ARHGEF40: variants seen among roughly 807,000 people sequenced by gnomAD.
ARHGEF40 encodes Rho guanine nucleotide exchange factor (GEF) 40.
Under a neutral mutation model 165.9 loss-of-function variants are expected in ARHGEF40, and 98 were observed. The ratio of observed to expected loss-of-function variants is 0.59; its 90% CI spans 0.50 to 0.70. ARHGEF40 has a LOEUF of 0.70. Among genes scored for constraint, ARHGEF40 ranks in the 30% least tolerant of loss-of-function variants. The probability of loss-of-function intolerance (pLI) is 0.00; values close to 1 mark genes in which losing one functional copy is unlikely to be tolerated. For synonymous variants in ARHGEF40, 792 were observed against 814.3 expected (o/e 0.97, Z 0.47); for missense variants, 1,815 against 1,968.0 (o/e 0.92, Z 1.47).
chr14:21,070,434 G>T lies in ARHGEF40; in HGVS notation c.3+35G>T. ...GCGTCGCAGCCCCCTGGGTCCCCTC[G>T]GCCTTCGCGCAGCCCGCTCCGGGCC... is the stretch of plus-strand genomic sequence containing the variant. On this transcript the variant is annotated intron_variant, in intron 1 of 23. Coordinates refer to ENST00000298694, the MANE Select transcript of ARHGEF40 (RefSeq NM_018071.5). The surrounding 1 kb of genome is among the most constrained non-coding windows in gnomAD (Gnocchi z 4.7). 7.2e-7 allele frequency: 1 copy of T among 1,392,074 alleles called. No homozygotes were observed. The allele number at this position is 1,392,074 out of a possible 1,614,324, so 86.2% of individuals were successfully genotyped here. A position where few individuals can be genotyped will look rare whatever the true frequency, so the allele number is the denominator to read the frequency against.
chr14:21,077,001 G>A, intron 8 of ARHGEF40, 111 bp downstream of exon 8: 3 of 829,574 alleles, frequency 3.6e-6, no homozygotes, highest in South Asian at 1.6e-5. Context: ...CAAAAAAGTG[G>A]TTTCCATTCC....
chr14:21,070,252 TG>T, upstream of ARHGEF40: 1 of 895,214 alleles, frequency 1.1e-6, no homozygotes, highest in Non-Finnish European at 1.4e-6. The surrounding 1 kb of genome is among the most constrained non-coding windows in gnomAD (Gnocchi z 4.7). Context: ...CCCCGCGGCC[TG>T]GAAGCCGGAG....
chr14:21,075,324 C>G lies in ARHGEF40; in HGVS notation c.1451-8C>G. 1 of 1,613,746 alleles carries G rather than the reference C, an allele frequency of 6.2e-7. No individual in the cohort carries two copies. The highest frequency in any genetic ancestry group is 1.1e-5 in the South Asian group (1 of 91,046). Reference sequence around the variant, plus strand: ...TTCAGTCCCATGTTTCTGTCTGTGTCTGTGCAGGACACACAGGCCCAGAAG... The same window carrying G: ...TTCAGTCCCATGTTTCTGTCTGTGTGTGTGCAGGACACACAGGCCCAGAAG... On this transcript the variant is annotated splice_region_variant and splice_polypyrimidine_tract_variant and intron_variant, in intron 3 of 23. Coordinates refer to ENST00000298694, the MANE Select transcript of ARHGEF40 (RefSeq NM_018071.5). This position sits in a 1 kb window ranked among gnomAD's most constrained non-coding sequence, Gnocchi z 4.5.
At chr14:21,071,697 G>A (rs1293733171) in intron 1 of ARHGEF40, among the ~76,000 whole-genome samples, 2 of 151,748 alleles carry the variant, frequency 1.3e-5, no homozygotes, top group Non-Finnish European at 1.5e-5. Flanking sequence ...CAGCTGCCTC[G>A]CTGCTCAAGC....
rs1169377576 is a variant in ARHGEF40, at chr14:21,087,045, C to A, written c.4183C>A (p.Pro1395Thr). ...GGTGTCCATGGGCATTGGGAATAAA[C>A]CCTTCCTGGACATCAAAGCCCTTGG... is the stretch of plus-strand genomic sequence containing the variant. Reference protein sequence around the residue: ...QMVSMGIGNKPFLDIKALGER... With the variant: ...QMVSMGIGNKTFLDIKALGER... The change falls in exon 20 of 24, where the codon CCC becomes ACC. Residue 1395 changes from proline (P) to threonine (T), a missense_variant. Coordinates refer to ENST00000298694, the MANE Select transcript of ARHGEF40 (RefSeq NM_018071.5). The A allele has an allele frequency of 6.2e-7, 1 of 1,606,940 alleles. No homozygotes were observed. The highest frequency in any genetic ancestry group is 8.5e-7 in the Non-Finnish European group (1 of 1,176,546).
chr14:21,063,975 T>A, the ARHGEF40 span, among the ~76,000 whole-genome samples: 1 of 152,218 alleles, frequency 6.6e-6, no homozygotes, highest in African/African-American at 2.4e-5. Flanking sequence ...AATTCACTGA[T>A]GCCCTACCGC....
In ARHGEF40 at chr14:21,073,967, G is replaced by A; in HGVS notation, c.237G>A (p.Gly79=). 1 of 1,609,388 alleles carries A rather than the reference G, an allele frequency of 6.2e-7. No homozygotes were observed. The highest frequency in any genetic ancestry group is 2.2e-5 in the East Asian group (1 of 44,848). The change falls in exon 3 of 24, where the codon GGG becomes GGA. Residue 79 remains glycine, a synonymous_variant. Transcript: ENST00000298694. The surrounding 1 kb of genome is among the most constrained non-coding windows in gnomAD (Gnocchi z 4.6). ...QYSGFLFFHE[G]WPLCLHEQVV... Reference sequence around the variant, plus strand: ...GTGGATTCCTCTTCTTCCATGAGGGGTGGCCGCTCTGCCTGCATGAACAGG... The same window carrying A: ...GTGGATTCCTCTTCTTCCATGAGGGATGGCCGCTCTGCCTGCATGAACAGG...
the ARHGEF40 span, among the ~76,000 whole-genome samples, chr14:21,061,771 G>T: frequency 6.6e-6 from 1 of 152,204 alleles, no homozygotes. Context: ...TATTAGGCTT[G>T]TCATTCTAAT....
At position 21,088,091 on chromosome 14, in the gene ARHGEF40, C is replaced by G. The variant is rs1460242426; in HGVS notation, c.4511C>G (p.Ser1504Cys). Reference sequence around the variant, plus strand: ...GCCAGTCGAGGGATCTTAGGGCTATCCCGACAGGTAAGTTCCTACAACGAG... The same window carrying G: ...GCCAGTCGAGGGATCTTAGGGCTATGCCGACAGGTAAGTTCCTACAACGAG... ...TLASRGILGL[S>C]RQSHARALSD... Residue 1504 changes from serine (S) to cysteine (C), a missense_variant, in exon 22 of 24, where the codon TCC (serine) becomes TGC (cysteine). Physicochemically the swap from Ser to Cys is moderately radical, Grantham distance 112 (BLOSUM62 -1). Coordinates refer to ENST00000298694, the MANE Select transcript of ARHGEF40 (RefSeq NM_018071.5). The G allele has an allele frequency of 1.9e-6, 3 of 1,610,246 alleles. No individual in the cohort carries two copies. The East Asian group carries it at 6.7e-5, about 36-fold the overall frequency.
chr14:21,067,450 C>A (rs1886328460), upstream of ARHGEF40, among the ~76,000 whole-genome samples: 2 of 152,144 alleles, frequency 1.3e-5, no homozygotes, highest in South Asian at 4.2e-4. Flanking sequence ...AGATGAGACC[C>A]TATAACTTAC....
rs376513658 is a variant in ARHGEF40, at chr14:21,073,212, C to T, written c.171C>T (p.His57=). 2 of 1,613,146 alleles carry T rather than the reference C, an allele frequency of 1.2e-6. No individual in the cohort carries two copies. Among genetic ancestry groups the T allele is most frequent in the South Asian group, 1.1e-5 (1 of 91,000 alleles). ...YTLDFLVPAK[H]LLAKVQQEAC... is the part of the protein sequence containing the mutation. Reference sequence around the variant, plus strand: ...TGGACTTCCTGGTACCAGCCAAGCACCTGCTTGCCAAGGTCCAGCAGGAAG... The same window carrying T: ...TGGACTTCCTGGTACCAGCCAAGCATCTGCTTGCCAAGGTCCAGCAGGAAG... Residue 57 remains histidine (H), a synonymous_variant, in exon 2 of 24, where the codon CAC becomes CAT. Coordinates refer to ENST00000298694, the MANE Select transcript of ARHGEF40 (RefSeq NM_018071.5). The surrounding 1 kb of genome is among the most constrained non-coding windows in gnomAD (Gnocchi z 4.6).
the ARHGEF40 span, among the ~76,000 whole-genome samples, chr14:21,063,443 T>A: frequency 1.3e-5 from 2 of 152,196 alleles, no homozygotes; most frequent in African/African-American, 4.8e-5. Context: ...TGGGGTTATT[T>A]GGAGGCAAGG....
At position 21,082,456 on chromosome 14, in the gene ARHGEF40, T is replaced by C. The variant is rs1168556731; in HGVS notation, c.3464T>C (p.Ile1155Thr). Residue 1155 changes from isoleucine (I) to threonine (T), a missense_variant, in exon 15 of 24, where the codon ATT becomes ACT. By Grantham distance (89) the Ile-to-Thr change is moderately conservative (BLOSUM62 -1). Transcript: ENST00000298694. ...LQGCATHPLR[I>T]GACFLRHGDQ... ...GGCTGCGCCACCCACCCCCTACGCA[T>C]TGGGGCCTGCTTCCTTCGCCACGTG... 5.6e-6 allele frequency: 9 copies of C among 1,596,172 alleles called. No homozygotes were observed. The African/African-American group carries it at 6.7e-5, about 12-fold the overall frequency.
rs752258269 is a variant in ARHGEF40 at position 21,087,426 on chromosome 14, G to A, written c.4350G>A (p.Glu1450=). ...GCTCCCTGCCTGCCCGCGTCGAGGA[G>A]GAGGCCTGGGATCTGGACGTCAAGC... is the stretch of plus-strand genomic sequence containing the variant. The part of the protein sequence containing the change: ...GACSLPARVE[E]EAWDLDVKQI... Residue 1450 remains glutamate, a synonymous_variant, in exon 21 of 24, where the codon GAG becomes GAA. Transcript: ENST00000298694. The A allele has an allele frequency of 1.2e-6, 2 of 1,601,212 alleles. No homozygotes were observed. Among genetic ancestry groups the A allele is most frequent in the Non-Finnish European group, 1.7e-6 (2 of 1,179,932 alleles).
chr14:21,085,990 G>T, intron 19 of ARHGEF40, 124 bp downstream of exon 19: 2 of 1,129,386 alleles, frequency 1.8e-6, no homozygotes, highest in Admixed American at 4.9e-5. Flanking sequence ...CTTATAATAA[G>T]ATTCAAGATT....
At position 21,072,183 on chromosome 14, in the gene ARHGEF40, C is replaced by G. The variant is rs1324402261; in HGVS notation, c.4-862C>G. Among the ~76,000 whole-genome samples the G allele has an allele frequency of 2.0e-5, 3 of 152,290 alleles. No homozygotes were observed. The highest frequency in any genetic ancestry group is 6.5e-5 in the Admixed American group (1 of 15,298). On this transcript the variant is annotated intron_variant, in intron 1 of 23. Coordinates refer to ENST00000298694, the MANE Select transcript of ARHGEF40 (RefSeq NM_018071.5). This position sits in a 1 kb window ranked among gnomAD's most constrained non-coding sequence, Gnocchi z 4.1. ...GTTGGAGAAAGACGTCTCATTGACTCACTTAGGGAGGGGAGTCTGGATGAA... is the reference window on the plus strand; with the variant it reads ...GTTGGAGAAAGACGTCTCATTGACTGACTTAGGGAGGGGAGTCTGGATGAA...
chr14:21,076,651 C>T lies in ARHGEF40; in HGVS notation c.1917+8C>T, dbSNP rs963017412. The T allele has an allele frequency of 6.2e-7, 1 of 1,611,936 alleles. No individual in the cohort carries two copies. The highest frequency in any genetic ancestry group is 2.2e-5 in the East Asian group (1 of 44,838). Reference sequence around the variant, plus strand: ...GAACTCTGTGGATTTCAGGTTTGAGCCCTTCATTCCCATCTAGTTTCCCAT... The same window carrying T: ...GAACTCTGTGGATTTCAGGTTTGAGTCCTTCATTCCCATCTAGTTTCCCAT... On this transcript the variant is annotated splice_region_variant and intron_variant, in intron 7 of 23. Transcript: ENST00000298694.
chr14:21,083,840 C>A lies in ARHGEF40; in HGVS notation c.3579C>A (p.Ser1193=). 2 of 1,613,652 alleles carry A rather than the reference C, an allele frequency of 1.2e-6. No homozygotes were observed. The highest frequency in any genetic ancestry group is 1.7e-6 in the Non-Finnish European group (2 of 1,179,808). Residue 1193 remains serine, a synonymous_variant, in exon 17 of 24, where the codon TCC becomes TCA. Coordinates refer to ENST00000298694, the MANE Select transcript of ARHGEF40 (RefSeq NM_018071.5). Reference sequence around the variant, plus strand: ...TGTCTGTGTCCTCAACCTAGGGCTCCATGGAGGCTGGCCCTTACCTGCCCC... The same window carrying A: ...TGTCTGTGTCCTCAACCTAGGGCTCAATGGAGGCTGGCCCTTACCTGCCCC... ...LAALSPLSKG[S]MEAGPYLPRA...
chr14:21,085,663 A>G, intron 18 of ARHGEF40, 26 bp from the exon 19 acceptor site: 1 of 1,607,990 alleles, frequency 6.2e-7, no homozygotes, highest in Non-Finnish European at 8.5e-7. Context: ...CTCTGTCTTC[A>G]CCCGCTGCCC....
Sources: gnomAD v4.1 joint callset for allele counts (sites outside exome capture counted in the v4.1 genomes callset) on GRCh38, gnomAD v4.1.1 for gene constraint, Gnocchi (gnomAD v3.1) non-coding constraint, MANE v1.5 for transcripts, NCBI Gene and HGNC (gene_info 2026-07-23, HGNC 2026-07-21) for gene names.